Variants in RNF144A observed in about 807,000 individuals in gnomAD.
RNF144A encodes the protein E3 ubiquitin-protein ligase RNF144A.
In RNF144A, 11 loss-of-function variants were observed where a neutral mutation model predicts 38.7. The observed-to-expected ratio is 0.28, with a 90% CI of 0.18 to 0.47. The LOEUF (loss-of-function observed/expected upper bound fraction) is 0.47, where lower values mean the gene tolerates loss of function less well. RNF144A is among the 20% of genes least tolerant of loss of function. RNF144A has a pLI of 0.99. For synonymous variants in RNF144A, 149 were observed against 143.9 expected (o/e 1.04, Z -0.25); for missense variants, 316 against 377.2 (o/e 0.84, Z 1.34).
At chr2:7,048,155 G>A (rs1242670727), downstream of RNF144A, among the ~76,000 whole-genome samples, 1 of 152,170 alleles carries the variant, frequency 6.6e-6, no homozygotes, top group Non-Finnish European at 1.5e-5. Context: ...AGGAAATCCT[G>A]AGGGGGAAAT....
chr2:6,954,292 G>A (rs1444472296), intron 2 of RNF144A, among the ~76,000 whole-genome samples: 1 of 149,996 alleles, frequency 6.7e-6, no homozygotes, highest in Non-Finnish European at 1.5e-5. Flanking sequence ...TTTATAATTT[G>A]GAAGTTATAC....
At position 6,941,146 on chromosome 2, in the gene RNF144A, A is replaced by C. The variant is rs1289136086; in HGVS notation, c.-13A>C. ...CTCTCCTCCCCTCTGGATTTCTCAG[A>C]GGTAACTTTGAATTCGGAAAATGAA... On this transcript the variant is annotated splice_region_variant and 5_prime_UTR_variant, in exon 2 of 9. Transcript: ENST00000320892. This position sits in a 1 kb window ranked among gnomAD's most constrained non-coding sequence, Gnocchi z 6.5. 6.6e-6 allele frequency: 1 copy of C among 152,198 alleles called. No homozygotes were observed. The highest frequency in any genetic ancestry group is 1.9e-4 in the East Asian group (1 of 5,186). 9.4% of individuals were successfully genotyped at this position (152,198 alleles called of 1,614,324 possible).
chr2:6,980,287 A>C (rs951711332), intron 2 of RNF144A, among the ~76,000 whole-genome samples: 2 of 152,182 alleles, frequency 1.3e-5, no homozygotes. Flanking sequence ...TCATTCCAGC[A>C]TTAACCCAAA....
At chr2:6,964,736 C>T (rs1667546183) in intron 2 of RNF144A, among the ~76,000 whole-genome samples, 1 of 151,478 alleles carries the variant, frequency 6.6e-6, no homozygotes, top group Non-Finnish European at 1.5e-5. Context: ...AACCAAACAC[C>T]ACATATTCTC....
chr2:6,967,464 G>T (rs1162331950), intron 2 of RNF144A, among the ~76,000 whole-genome samples: 1 of 152,204 alleles, frequency 6.6e-6, no homozygotes, highest in Non-Finnish European at 1.5e-5. Flanking sequence ...GCCCCTTTCT[G>T]CATGGGGACT....
intron 2 of RNF144A, among the ~76,000 whole-genome samples, chr2:6,983,286 C>CTG (rs954239279): frequency 2.0e-5 from 3 of 152,204 alleles, no homozygotes; most frequent in Non-Finnish European, 4.4e-5. Context: ...CTCCTGGAAG[C>CTG]TGTGTGTGTG....
At chr2:7,066,019 T>G (rs1198171767) in intron 6 of RNF144A, among the ~76,000 whole-genome samples, 1 of 152,220 alleles carries the variant, frequency 6.6e-6, no homozygotes, top group Non-Finnish European at 1.5e-5. Context: ...TGACTTTTTG[T>G]TTGAAACATT....
At chr2:6,982,910 C>T (rs143500208) in intron 2 of RNF144A, among the ~76,000 whole-genome samples, 11 of 152,278 alleles carry the variant, frequency 7.2e-5, no homozygotes, top group Middle Eastern at 3.4e-3. Context: ...GCTGAGGCCC[C>T]GTGAAATGGA....
rs140765912 is a variant in RNF144A, at chr2:7,066,186, T to C, written c.735-2030T>C. On this transcript the variant is annotated intron_variant, in intron 6 of 6. Coordinates refer to the RNF144A transcript ENST00000432850. ...CACTACAAGCTCCGCCTCCTGGGTT[T>C]ACGCCATTCTCCTGCCTCAGCCTCC... 1.5e-3 allele frequency among the ~76,000 whole-genome samples: 222 copies of C among 152,184 alleles called. 1 individual carries two copies. The highest frequency in any genetic ancestry group is 5.1e-3 in the African/African-American group (210 of 41,528).
chr2:6,948,261 T>C (rs1164108575), intron 2 of RNF144A, among the ~76,000 whole-genome samples: 1 of 152,234 alleles, frequency 6.6e-6, no homozygotes, highest in Non-Finnish European at 1.5e-5. Context: ...GGATGTCTTC[T>C]GTCACAGCAC....
the RNF144A span, among the ~76,000 whole-genome samples, chr2:7,076,188 T>A: frequency 1.3e-5 from 2 of 152,196 alleles, no homozygotes; most frequent in Non-Finnish European, 2.9e-5. Context: ...CCTGTGTGGT[T>A]GACAGTTTTT....
Position 6,967,852 on chromosome 2 carries a change from C to T in RNF144A, c.-12+26705C>T, listed in dbSNP as rs1449400118. Among the ~76,000 whole-genome samples, 3 of 152,176 alleles carry T rather than the reference C, an allele frequency of 2.0e-5. No homozygotes were observed. In the South Asian group the frequency reaches 6.2e-4, roughly 32 times the overall value. On this transcript the variant is annotated intron_variant, in intron 2 of 8. Coordinates refer to ENST00000320892, the MANE Select transcript of RNF144A (RefSeq NM_014746.6). ...TAAAATGAGGGAAAACTCAAAAGCT[C>T]GCTGGAAATATCAAATGAATTAAAA...
Position 6,962,303 on chromosome 2 carries a change from G to T in RNF144A, c.-12+21156G>T, listed in dbSNP as rs1159974408. 6.6e-6 allele frequency among the ~76,000 whole-genome samples: 1 copy of T among 152,114 alleles called. No individual in the cohort carries two copies. The highest frequency in any genetic ancestry group is 2.4e-5 in the African/African-American group (1 of 41,424). On this transcript the variant is annotated intron_variant, in intron 2 of 8. Coordinates refer to ENST00000320892, the MANE Select transcript of RNF144A (RefSeq NM_014746.6). The surrounding 1 kb of genome is among the most constrained non-coding windows in gnomAD (Gnocchi z 4.1). ...CCCTTTTATTTATTACTGTACACGT[G>T]GTAACAGAAAAGGGAAGATGGAGCC...
At position 6,978,129 on chromosome 2, in the gene RNF144A, G is replaced by C. The variant is rs536392294; in HGVS notation, c.-11-18787G>C. On this transcript the variant is annotated intron_variant, in intron 2 of 8. Coordinates refer to ENST00000320892, the MANE Select transcript of RNF144A (RefSeq NM_014746.6). ...GTGGGCACCCTCGTGAGGTAAAGGT[G>C]TCTGTGGTCCTGCATAGCTCTGGAG... 4.6e-4 allele frequency among the ~76,000 whole-genome samples: 70 copies of C among 152,290 alleles called. No homozygotes were observed. In the South Asian group the frequency reaches 5.6e-3, roughly 12 times the overall value.
Position 7,041,190 on chromosome 2 carries a change from A to G in RNF144A, c.*1430A>G, listed in dbSNP as rs1673021445. Reference sequence around the variant, plus strand: ...CTTGTTAAACATTCTATAAAGAAGTAAAACAAAATCCTTTTATCTCAGTTA... The same window carrying G: ...CTTGTTAAACATTCTATAAAGAAGTGAAACAAAATCCTTTTATCTCAGTTA... On this transcript the variant is annotated 3_prime_UTR_variant, in exon 9 of 9. Coordinates refer to ENST00000320892, the MANE Select transcript of RNF144A (RefSeq NM_014746.6). 1 of 983,294 alleles carries G rather than the reference A, an allele frequency of 1.0e-6. No homozygotes were observed. Among genetic ancestry groups the G allele is most frequent in the South Asian group, 4.7e-5 (1 of 21,244 alleles). The allele number at this position is 983,294 out of a possible 1,614,324, so 60.9% of individuals were successfully genotyped here. A position where few individuals can be genotyped will look rare whatever the true frequency, so the allele number is the denominator to read the frequency against.
rs1166123218 is a variant in RNF144A at position 7,014,434 on chromosome 2, C to T, written c.136-20C>T. 1 of 1,535,570 alleles carries T rather than the reference C, an allele frequency of 6.5e-7. No homozygotes were observed. The highest frequency in any genetic ancestry group is 1.7e-5 in the Admixed American group (1 of 59,752). ...AAGGAGGTAAAGATGTTTATAGACACTTCTCTGTTTTTCTTTCAGTGCCTG... is the reference window on the plus strand; with the variant it reads ...AAGGAGGTAAAGATGTTTATAGACATTTCTCTGTTTTTCTTTCAGTGCCTG... On this transcript the variant is annotated intron_variant, in intron 3 of 8. Transcript: ENST00000320892.
intron 2 of RNF144A, among the ~76,000 whole-genome samples, chr2:6,983,025 G>A (rs936610621): frequency 6.6e-6 from 1 of 152,194 alleles, no homozygotes; most frequent in African/African-American, 2.4e-5. Context: ...CCTAGGAAAG[G>A]CTTTTGTCCT....
intron 6 of RNF144A, among the ~76,000 whole-genome samples, chr2:7,021,305 A>G (rs1572419719): frequency 2.0e-5 from 3 of 152,130 alleles, no homozygotes; most frequent in Non-Finnish European, 4.4e-5. Flanking sequence ...GCTCCTGTTG[A>G]GTCCAGGATC....
At chr2:6,990,425 C>CAGCTATATATATATATAATATATAATATA (rs1669268406) in intron 2 of RNF144A, among the ~76,000 whole-genome samples, 1 of 88,572 alleles carries the variant, frequency 1.1e-5, no homozygotes, top group Non-Finnish European at 2.3e-5. Context: ...CACACACACA[C>CAGCTATATATATATATAATATATAATATA]ACACACACAC....
Sources: allele counts gnomAD v4.1 joint callset (sites outside exome capture counted in the v4.1 genomes callset), GRCh38; gene constraint gnomAD v4.1.1; non-coding constraint Gnocchi (gnomAD v3.1); transcripts MANE v1.5; gene names NCBI Gene and HGNC (gene_info 2026-07-23, HGNC 2026-07-21).